Variants in RAB11FIP3 observed in about 807,000 individuals in gnomAD.
The protein encoded by RAB11FIP3 is RAB11 family interacting protein 3.
RAB11FIP3 carries 17 observed loss-of-function variants against 77.8 expected under a neutral mutation model. That is an observed-to-expected ratio of 0.22 (90% CI 0.15 to 0.33). The LOEUF is 0.33. RAB11FIP3 is among the 10% of genes least tolerant of loss of function. The pLI is 1.00. For synonymous variants in RAB11FIP3, 437 were observed against 448.2 expected, an observed-to-expected ratio of 0.98 and a Z score of 0.31; for missense variants, 1,005 against 1,011.2, an observed-to-expected ratio of 0.99 and a Z score of 0.08.
At chr16:486,437 G>A (rs1361575829) in intron 4 of RAB11FIP3, among the ~76,000 whole-genome samples, 1 of 152,212 alleles carries the variant, frequency 6.6e-6, no homozygotes, top group African/African-American at 2.4e-5. Context: ...AGTTTGCAGT[G>A]AGCCGAGATG....
chr16:478,490 C>T (rs986456786), intron 3 of RAB11FIP3, among the ~76,000 whole-genome samples: 8 of 152,140 alleles, frequency 5.3e-5, no homozygotes, highest in East Asian at 3.8e-4. Context: ...GGCGCCCAGC[C>T]ACTTTGTCTG....
At chr16:445,643 C>G (rs907794274) in intron 1 of RAB11FIP3, among the ~76,000 whole-genome samples, 35 of 152,122 alleles carry the variant, frequency 2.3e-4, no homozygotes, top group African/African-American at 8.2e-4. Flanking sequence ...GAATCTCAGG[C>G]CCACAGAGAC....
In RAB11FIP3 at chr16:471,924, C is replaced by T. The variant is rs1406092466; in HGVS notation, c.903+535C>T. ...GTGGTCGACAGAGCGTAACCATGTC[C>T]GCCGGTCTGGAGGGTTAGATTCCAG... On this transcript the variant is annotated intron_variant, in intron 3 of 13. Transcript: ENST00000262305. This position sits in a 1 kb window ranked among gnomAD's most constrained non-coding sequence, Gnocchi z 4.4. Among the ~76,000 whole-genome samples the T allele has an allele frequency of 2.6e-5, 4 of 152,090 alleles. No homozygotes were observed. The highest frequency in any genetic ancestry group is 2.1e-4 in the South Asian group (1 of 4,828).
chr16:494,561 G>A (rs2030929814), intron 5 of RAB11FIP3, among the ~76,000 whole-genome samples: 1 of 152,018 alleles, frequency 6.6e-6, no homozygotes, highest in Admixed American at 6.5e-5. Flanking sequence ...GGTGGAACTT[G>A]CAGTGAGCCG....
chr16:489,616 G>T (rs561547302), intron 5 of RAB11FIP3, among the ~76,000 whole-genome samples: 3 of 152,316 alleles, frequency 2.0e-5, no homozygotes, highest in African/African-American at 7.2e-5. Flanking sequence ...GGCCGATGGG[G>T]TTGTTACTTC....
chr16:460,412 C>G (rs2055584991), intron 1 of RAB11FIP3, among the ~76,000 whole-genome samples: 1 of 152,080 alleles, frequency 6.6e-6, no homozygotes. Flanking sequence ...CACCTGTCAG[C>G]CCATCAGCTG....
chr16:485,518 T>G (rs2056136564), intron 4 of RAB11FIP3, among the ~76,000 whole-genome samples: 1 of 152,164 alleles, frequency 6.6e-6, no homozygotes, highest in South Asian at 2.1e-4. Context: ...GCTCAAGTGA[T>G]TCTCCTGCCT....
intron 2 of RAB11FIP3, among the ~76,000 whole-genome samples, chr16:466,204 G>C (rs1324039201): frequency 1.3e-5 from 2 of 152,200 alleles, no homozygotes; most frequent in African/African-American, 2.4e-5. Context: ...GGCTGGAGAT[G>C]TGTTCCCTCG....
intron 1 of RAB11FIP3, among the ~76,000 whole-genome samples, chr16:446,197 T>A (rs2141871965): frequency 6.6e-6 from 1 of 152,096 alleles, no homozygotes; most frequent in South Asian, 2.1e-4. Flanking sequence ...TGAGCCATGA[T>A]CACTCCTGTG....
At chr16:469,396 A>T (rs2055771255) in intron 2 of RAB11FIP3, among the ~76,000 whole-genome samples, 1 of 144,184 alleles carries the variant, frequency 6.9e-6, no homozygotes, top group South Asian at 2.2e-4. Context: ...TTTTAAATGT[A>T]TTATTTATGT....
chr16:445,127 A>AG (rs949357629), intron 1 of RAB11FIP3, among the ~76,000 whole-genome samples: 1 of 145,210 alleles, frequency 6.9e-6, no homozygotes, highest in Non-Finnish European at 1.5e-5. Context: ...AAAAAAAAAA[A>AG]AAAAGAAAAA....
At chr16:445,312 G>A (rs2055296246) in intron 1 of RAB11FIP3, among the ~76,000 whole-genome samples, 1 of 149,288 alleles carries the variant, frequency 6.7e-6, no homozygotes, top group Non-Finnish European at 1.5e-5. Context: ...GGTGGCAAGT[G>A]CCTGTAGTTT....
At chr16:476,538 C>T (rs921700288) in intron 3 of RAB11FIP3, among the ~76,000 whole-genome samples, 1 of 152,180 alleles carries the variant, frequency 6.6e-6, no homozygotes, top group Non-Finnish European at 1.5e-5. Flanking sequence ...ATCATGCTTT[C>T]TGTTGGGGAC....
chr16:493,871 C>G lies in RAB11FIP3; in HGVS notation c.1266-2953C>G, dbSNP rs796907179. Among the ~76,000 whole-genome samples, 231 of 142,300 alleles carry G rather than the reference C, an allele frequency of 1.6e-3. 6 individuals are homozygous for G. Among genetic ancestry groups the G allele is most frequent in the South Asian group, 8.5e-3 (33 of 3,900 alleles). 93.4% of individuals were successfully genotyped at this position (142,300 alleles called of 152,430 possible). ...CCCCCCAAAGTGCTGGGATTACAGG[C>G]TGAGCCACTGCACCCAGCCTGCCTG... On this transcript the variant is annotated intron_variant, in intron 5 of 13. Transcript: ENST00000262305.
At chr16:497,808 G>T (rs1285853990) in intron 6 of RAB11FIP3, among the ~76,000 whole-genome samples, 1 of 151,982 alleles carries the variant, frequency 6.6e-6, no homozygotes, top group African/African-American at 2.4e-5. Flanking sequence ...GTGAGAGTGG[G>T]ATCATTTTCC....
rs1048146148 is a variant in RAB11FIP3, at chr16:507,740, C to T, written c.1499+2113C>T. Among the ~76,000 whole-genome samples, 5 of 152,354 alleles carry T rather than the reference C, an allele frequency of 3.3e-5. No homozygotes were observed. In the East Asian group the frequency reaches 9.6e-4, roughly 29 times the overall value. ...CTCACCTCCAACGTCCTAAACAACACGTTTCCCGTTTTCAGTATCATCTGC... is the reference window on the plus strand; with the variant it reads ...CTCACCTCCAACGTCCTAAACAACATGTTTCCCGTTTTCAGTATCATCTGC... On this transcript the variant is annotated intron_variant, in intron 8 of 13. Coordinates refer to ENST00000262305, the MANE Select transcript of RAB11FIP3 (RefSeq NM_014700.4). This position sits in a 1 kb window ranked among gnomAD's most constrained non-coding sequence, Gnocchi z 4.6.
At chr16:449,844 C>T (rs1255880261) in intron 1 of RAB11FIP3, among the ~76,000 whole-genome samples, 1 of 147,550 alleles carries the variant, frequency 6.8e-6, no homozygotes, top group Non-Finnish European at 1.5e-5. Flanking sequence ...CCAGCTGTTG[C>T]GTAGACTGAG....
intron 1 of RAB11FIP3, among the ~76,000 whole-genome samples, chr16:452,669 C>CAA: frequency 9.9e-6 from 1 of 101,282 alleles, no homozygotes; most frequent in African/African-American, 3.9e-5. Context: ...CTCCTGACCT[C>CAA]GTGATCTGCC....
At chr16:428,671 T>G (rs1385730945) in intron 1 of RAB11FIP3, among the ~76,000 whole-genome samples, 1 of 152,162 alleles carries the variant, frequency 6.6e-6, no homozygotes, top group Non-Finnish European at 1.5e-5. Context: ...CTAGGTCTTT[T>G]GGCCCTTAGA....
Sources: gnomAD v4.1 joint callset for allele counts (sites outside exome capture counted in the v4.1 genomes callset) on GRCh38, gnomAD v4.1.1 for gene constraint, Gnocchi (gnomAD v3.1) non-coding constraint, MANE v1.5 for transcripts, NCBI Gene and HGNC (gene_info 2026-07-23, HGNC 2026-07-21) for gene names.